CALML4: variants seen among roughly 807,000 people sequenced by gnomAD.
CALML4 encodes the protein calmodulin like 4.
Under a neutral mutation model 17.9 loss-of-function variants are expected in CALML4, and 16 were observed. The ratio of observed to expected loss-of-function variants is 0.89; its 90% CI spans 0.61 to 1.36. The LOEUF (loss-of-function observed/expected upper bound fraction) is 1.36, where lower values mean the gene tolerates loss of function less well. Among genes scored for constraint, CALML4 ranks in the 40% most tolerant of loss-of-function variants. The pLI, the probability that CALML4 is intolerant of heterozygous loss-of-function variation, is 0.00. For synonymous variants in CALML4, 86 were observed against 71.5 expected, an observed-to-expected ratio of 1.20 and a Z score of -1.02; for missense variants, 203 against 194.8, an observed-to-expected ratio of 1.04 and a Z score of -0.25.
rs927441157 is a variant in CALML4 at position 68,204,112 on chromosome 15, G to C, written c.34+1009C>G. Among the ~76,000 whole-genome samples the C allele has an allele frequency of 6.6e-6, 1 of 152,146 alleles. No individual in the cohort carries two copies. The highest frequency in any genetic ancestry group is 1.5e-5 in the Non-Finnish European group (1 of 68,016). On this transcript the variant is annotated intron_variant, in intron 2 of 4. Transcript: ENST00000467889. This position sits in a 1 kb window ranked among gnomAD's most constrained non-coding sequence, Gnocchi z 6.0. ...GCCCTGGCCCTCCTCTTGGGATAAA[G>C]AGTTCCAGGGTTCTACGTGGAGGTG...
At position 68,190,799 on chromosome 15, in the gene CALML4, T is replaced by C. The variant is rs1247352172; in HGVS notation, c.*3216A>G. The C allele has an allele frequency of 1.3e-5, 2 of 152,188 alleles. No individual in the cohort carries two copies. The highest frequency in any genetic ancestry group is 6.6e-5 in the Admixed American group (1 of 15,264). The allele number at this position is 152,188 out of a possible 1,614,324, so 9.4% of individuals were successfully genotyped here. On this transcript the variant is annotated 3_prime_UTR_variant, in exon 5 of 5. Coordinates refer to ENST00000467889, the MANE Select transcript of CALML4 (RefSeq NM_033429.3). The surrounding 1 kb of genome is among the most constrained non-coding windows in gnomAD (Gnocchi z 4.7). ...GAACCAGAACCATGCCATACTTGGT[T>C]GACTATTTTGAGCATTAAAATTGCT...
rs1409112958 is a variant in CALML4, at chr15:68,191,428, G to A, written c.*2587C>T. The A allele has an allele frequency of 1.3e-5, 2 of 152,608 alleles. No individual in the cohort carries two copies. The highest frequency in any genetic ancestry group is 2.9e-5 in the Non-Finnish European group (2 of 68,032). The allele number at this position is 152,608 out of a possible 1,614,324, so 9.5% of individuals were successfully genotyped here. On this transcript the variant is annotated 3_prime_UTR_variant, in exon 5 of 5. Transcript: ENST00000467889. Reference sequence around the variant, plus strand: ...ATTGAATGTTACCTGTTTATGTAGAGCTCTTTAGATGTAATAAAAGAAAAG... The same window carrying A: ...ATTGAATGTTACCTGTTTATGTAGAACTCTTTAGATGTAATAAAAGAAAAG...
chr15:68,195,916 T>C (rs573647728), intron 4 of CALML4, among the ~76,000 whole-genome samples: 13 of 152,218 alleles, frequency 8.5e-5, no homozygotes, highest in African/African-American at 3.1e-4. Flanking sequence ...CTCCACCTGC[T>C]GTCTAGAGGG....
Position 68,197,525 on chromosome 15 carries a change from CA to C in CALML4, c.278del (p.Val93GlyfsTer45). ...KKEILLAMLM[V>X]DKEKKGYVMA... Reference sequence around the variant, plus strand: ...TGACGTAACCTTTCTTCTCCTTGTCCACCATCAACATGGCTAGAAGAATTTC... The same window carrying C: ...TGACGTAACCTTTCTTCTCCTTGTCCCCATCAACATGGCTAGAAGAATTTC... On this transcript the variant is annotated frameshift_variant, in exon 4 of 5. Coordinates refer to ENST00000467889, the MANE Select transcript of CALML4 (RefSeq NM_033429.3). LOFTEE classifies it high-confidence loss of function. This position sits in a 1 kb window ranked among gnomAD's most constrained non-coding sequence, Gnocchi z 4.1. 1.9e-6 allele frequency: 3 copies of C among 1,614,162 alleles called. No individual in the cohort carries two copies. Among genetic ancestry groups the C allele is most frequent in the Non-Finnish European group, 2.5e-6 (3 of 1,180,038 alleles).
In CALML4 at chr15:68,194,119, T is replaced by C; in HGVS notation, c.365-7A>G. On this transcript the variant is annotated splice_region_variant and splice_polypyrimidine_tract_variant and intron_variant, in intron 4 of 4. Transcript: ENST00000467889. The stretch of plus-strand genomic sequence containing the variant: ...TCCCTGAAGAGATCATCCACTGCAA[T>C]AAATCACATTTAATTTTTCAGTTTG... 1.2e-6 allele frequency: 2 copies of C among 1,605,880 alleles called. No homozygotes were observed. Among genetic ancestry groups the C allele is most frequent in the Non-Finnish European group, 1.7e-6 (2 of 1,173,044 alleles).
In CALML4 at chr15:68,200,125, G is replaced by A. The variant is rs150942131; in HGVS notation, c.35-444C>T. On this transcript the variant is annotated intron_variant, in intron 2 of 4. Transcript: ENST00000467889. The surrounding 1 kb of genome is among the most constrained non-coding windows in gnomAD (Gnocchi z 4.3). ...GGAGAGCAGGAACCCACAGCAAGGC[G>A]TCCAGACCCCCAGGGGACCTCTGCA... 8.7e-4 allele frequency among the ~76,000 whole-genome samples: 132 copies of A among 152,178 alleles called. 1 individual carries two copies. In the East Asian group the frequency reaches 0.019, roughly 22 times the overall value.
Position 68,192,674 on chromosome 15 carries a change from T to A in CALML4, c.*1341A>T, listed in dbSNP as rs928143449. On this transcript the variant is annotated 3_prime_UTR_variant, in exon 5 of 5. Coordinates refer to ENST00000467889, the MANE Select transcript of CALML4 (RefSeq NM_033429.3). ...CACTACAACTCTTGTTCCCTGCAGTTTTCCCTGTGCCCGGTGCCTAGTGAA... is the reference window on the plus strand; with the variant it reads ...CACTACAACTCTTGTTCCCTGCAGTATTCCCTGTGCCCGGTGCCTAGTGAA... 1 of 152,220 alleles carries A rather than the reference T, an allele frequency of 6.6e-6. No homozygotes were observed. Among genetic ancestry groups the A allele is most frequent in the African/African-American group, 2.4e-5 (1 of 41,440 alleles). The allele number at this position is 152,220 out of a possible 1,614,324, so 9.4% of individuals were successfully genotyped here. A position where few individuals can be genotyped will look rare whatever the true frequency, so the allele number is the denominator to read the frequency against.
In CALML4 at chr15:68,200,354, C is replaced by G. The variant is rs1190224691; in HGVS notation, c.35-673G>C. Among the ~76,000 whole-genome samples, 1 of 152,206 alleles carries G rather than the reference C, an allele frequency of 6.6e-6. No individual in the cohort carries two copies. The highest frequency in any genetic ancestry group is 1.9e-4 in the East Asian group (1 of 5,190). ...GCTGTCCTTGGACTCGGGCCCTGGT[C>G]CTGTTCTTAGAGACTTCAAAGGGTC... On this transcript the variant is annotated intron_variant, in intron 2 of 4. Transcript: ENST00000467889. The surrounding 1 kb of genome is among the most constrained non-coding windows in gnomAD (Gnocchi z 4.3).
chr15:68,199,658 A>C lies in CALML4; in HGVS notation c.58T>G (p.Tyr20Asp), dbSNP rs773830841. 1 of 1,613,248 alleles carries C rather than the reference A, an allele frequency of 6.2e-7. No homozygotes were observed. The highest frequency in any genetic ancestry group is 8.5e-7 in the Non-Finnish European group (1 of 1,179,914). The change falls in exon 3 of 5, where the codon TAT becomes GAT. Residue 20 changes from tyrosine (Y) to aspartate (D), a missense_variant. Physicochemically the swap from Tyr to Asp is radical, Grantham distance 160 (BLOSUM62 -3). Transcript: ENST00000467889. ...INEYKECFSLYDKQQRGKIKA... is the reference protein window; with the variant it reads ...INEYKECFSLDDKQQRGKIKA... Reference sequence around the variant, plus strand: ...ATCTTCCCCCTCTGCTGCTTGTCATACAGGGAGAAGCATTCCTTGTACTCT... The same window carrying C: ...ATCTTCCCCCTCTGCTGCTTGTCATCCAGGGAGAAGCATTCCTTGTACTCT...
rs534461545 is a variant in CALML4 at position 68,200,816 on chromosome 15, C to G, written c.35-1135G>C. On this transcript the variant is annotated intron_variant, in intron 2 of 4. Coordinates refer to ENST00000467889, the MANE Select transcript of CALML4 (RefSeq NM_033429.3). This position sits in a 1 kb window ranked among gnomAD's most constrained non-coding sequence, Gnocchi z 4.3. ...ACAGCAACAATGACAATTCACGTTG[C>G]TGAGCACTCCACCCCCAGGCCCTCG... 3.3e-5 allele frequency among the ~76,000 whole-genome samples: 5 copies of G among 152,300 alleles called. No homozygotes were observed. The highest frequency in any genetic ancestry group is 4.4e-5 in the Non-Finnish European group (3 of 68,010).
Position 68,197,713 on chromosome 15 carries a change from CCGGTT to C in CALML4, c.176-90_176-86del. The C allele has an allele frequency of 7.8e-7, 1 of 1,281,570 alleles. No individual in the cohort carries two copies. Among genetic ancestry groups the C allele is most frequent in the Non-Finnish European group, 1.1e-6 (1 of 911,730 alleles). The allele number at this position is 1,281,570 out of a possible 1,614,324, so 79.4% of individuals were successfully genotyped here. A position where few individuals can be genotyped will look rare whatever the true frequency, so the allele number is the denominator to read the frequency against. On this transcript the variant is annotated intron_variant, in intron 3 of 4. Coordinates refer to ENST00000467889, the MANE Select transcript of CALML4 (RefSeq NM_033429.3). This position sits in a 1 kb window ranked among gnomAD's most constrained non-coding sequence, Gnocchi z 4.1. ...CTGGCCTCCTGCTGGACCTGCACAG[CCGGTT>C]CAAGGTCAACTGACCAGGGAATGCC...
upstream of CALML4, chr15:68,205,446 G>A: frequency 6.3e-7 from 1 of 1,594,040 alleles, no homozygotes. The surrounding 1 kb of genome is among the most constrained non-coding windows in gnomAD (Gnocchi z 4.8). Flanking sequence ...CCGCCACCTG[G>A]GCAGGTTGGA....
At chr15:68,195,190 G>T (rs1231337567) in intron 4 of CALML4, among the ~76,000 whole-genome samples, 1 of 152,082 alleles carries the variant, frequency 6.6e-6, no homozygotes. Context: ...ACCTACCATG[G>T]CTCTTTAGCC....
intron 2 of CALML4, among the ~76,000 whole-genome samples, chr15:68,201,941 G>A (rs1441484473): frequency 1.3e-5 from 2 of 152,042 alleles, no homozygotes; most frequent in Non-Finnish European, 1.5e-5. Flanking sequence ...TAACATACTA[G>A]CACATATATT....
rs2093123476 is a variant in CALML4 at position 68,192,200 on chromosome 15, A to G, written c.*1815T>C. 1 of 152,010 alleles carries G rather than the reference A, an allele frequency of 6.6e-6. No homozygotes were observed. Among genetic ancestry groups the G allele is most frequent in the African/African-American group, 2.4e-5 (1 of 41,386 alleles). 9.4% of individuals were successfully genotyped at this position (152,010 alleles called of 1,614,324 possible). A position where few individuals can be genotyped will look rare whatever the true frequency, so the allele number is the denominator to read the frequency against. On this transcript the variant is annotated 3_prime_UTR_variant, in exon 5 of 5. Transcript: ENST00000467889. ...TCCTAATGTCCATGACTGGAGCTCA[A>G]AAGAACTGTGGGCCTAGGACCTTTG...
In CALML4 at chr15:68,193,346, T is replaced by TGTGTTTTCACTCTA. The variant is rs374380622; in HGVS notation, c.*655_*668dup. 6 of 152,436 alleles carry TGTGTTTTCACTCTA rather than the reference T, an allele frequency of 3.9e-5. No individual in the cohort carries two copies. Among genetic ancestry groups the TGTGTTTTCACTCTA allele is most frequent in the African/African-American group, 1.2e-4 (5 of 41,584 alleles). 9.4% of individuals were successfully genotyped at this position (152,436 alleles called of 1,614,324 possible). A position where few individuals can be genotyped will look rare whatever the true frequency, so the allele number is the denominator to read the frequency against. On this transcript the variant is annotated 3_prime_UTR_variant, in exon 5 of 5. Transcript: ENST00000467889. Reference sequence around the variant, plus strand: ...CAGCTGATGCTGCCTCATTGTAGCATGTGTTTTCACTCTAGTGTTTTCACT... The same window carrying TGTGTTTTCACTCTA: ...CAGCTGATGCTGCCTCATTGTAGCATGTGTTTTCACTCTAGTGTTTTCACTCTAGTGTTTTCACT...
At position 68,197,160 on chromosome 15, in the gene CALML4, G is replaced by C. The variant is rs2093147825; in HGVS notation, c.364+280C>G. ...AGAGCTTGAACACAGGGGGAGACCA[G>C]ACTGCACGCTCCAGCTGCCCTGCCT... On this transcript the variant is annotated intron_variant, in intron 4 of 4. Coordinates refer to ENST00000467889, the MANE Select transcript of CALML4 (RefSeq NM_033429.3). This position sits in a 1 kb window ranked among gnomAD's most constrained non-coding sequence, Gnocchi z 4.1. Among the ~76,000 whole-genome samples, 1 of 152,066 alleles carries C rather than the reference G, an allele frequency of 6.6e-6. No homozygotes were observed. Among genetic ancestry groups the C allele is most frequent in the Admixed American group, 6.5e-5 (1 of 15,270 alleles).
chr15:68,199,481 A>G (rs2141127114), intron 3 of CALML4, 60 bp downstream of exon 3: 2 of 1,543,382 alleles, frequency 1.3e-6, no homozygotes, highest in East Asian at 2.3e-5. Flanking sequence ...TCACACCTCT[A>G]CTGTCTGCAC....
At position 68,199,521 on chromosome 15, in the gene CALML4, T is replaced by C. The variant is rs988617366; in HGVS notation, c.175+20A>G. The stretch of plus-strand genomic sequence containing the variant: ...CTGCTGGGCCCCTCCCCTCTCCCCG[T>C]TGTTCCCACCACCACTCACCTATCC... On this transcript the variant is annotated intron_variant, in intron 3 of 4. Transcript: ENST00000467889. The C allele has an allele frequency of 1.9e-6, 3 of 1,600,912 alleles. No individual in the cohort carries two copies. The highest frequency in any genetic ancestry group is 2.3e-5 in the East Asian group (1 of 44,190).
Sources: gnomAD v4.1 joint callset for allele counts (sites outside exome capture counted in the v4.1 genomes callset) on GRCh38, gnomAD v4.1.1 for gene constraint, Gnocchi (gnomAD v3.1) non-coding constraint, MANE v1.5 for transcripts, NCBI Gene and HGNC (gene_info 2026-07-23, HGNC 2026-07-21) for gene names.